GLT1D1: variants seen among roughly 807,000 people sequenced by gnomAD.
GLT1D1 encodes glycosyltransferase 1 domain-containing protein 1.
GLT1D1 carries 21 observed loss-of-function variants against 28.7 expected under a neutral mutation model. The ratio of observed to expected loss-of-function variants is 0.73; its 90% CI spans 0.52 to 1.05. The LOEUF (loss-of-function observed/expected upper bound fraction) is 1.05. Among genes scored for constraint, GLT1D1 ranks in the 50% least tolerant of loss-of-function variants. The probability of loss-of-function intolerance (pLI) is 0.00; values close to 1 mark genes in which losing one functional copy is unlikely to be tolerated. For synonymous variants in GLT1D1, 147 were observed against 124.8 expected (o/e 1.18, Z -1.19); for missense variants, 343 against 330.6 (o/e 1.04, Z -0.29).
chr12:128,974,683 A>T (rs182073923), intron 7 of GLT1D1, among the ~76,000 whole-genome samples: 1 of 152,334 alleles, frequency 6.6e-6, no homozygotes, highest in East Asian at 1.9e-4. Flanking sequence ...TTTGATTAAG[A>T]AACACTGATC....
At chr12:128,980,717 A>G (rs1013612120) in intron 7 of GLT1D1, among the ~76,000 whole-genome samples, 2 of 152,216 alleles carry the variant, frequency 1.3e-5, no homozygotes, top group East Asian at 1.9e-4. Flanking sequence ...GCCGGGGCGC[A>G]TGGAAGCTAT....
chr12:128,906,032 G>T (rs1310023952), intron 4 of GLT1D1, among the ~76,000 whole-genome samples: 1 of 151,694 alleles, frequency 6.6e-6, no homozygotes, highest in Non-Finnish European at 1.5e-5. Context: ...TGGAGATAAG[G>T]TCTCACTGCG....
chr12:128,912,676 T>C (rs527663806), intron 4 of GLT1D1, among the ~76,000 whole-genome samples: 15 of 152,214 alleles, frequency 9.9e-5, no homozygotes, highest in African/African-American at 3.6e-4. Context: ...TTTTTTTTCT[T>C]TTTTGAGACA....
intron 4 of GLT1D1, among the ~76,000 whole-genome samples, chr12:128,910,474 G>A (rs1034370982): frequency 1.3e-5 from 2 of 151,960 alleles, no homozygotes; most frequent in African/African-American, 4.8e-5. Flanking sequence ...TAAATGCCAT[G>A]GTGTTCTATT....
chr12:128,919,395 T>G (rs76217846), intron 4 of GLT1D1, among the ~76,000 whole-genome samples: 8,385 of 152,240 alleles, frequency 0.055, 734 homozygotes, highest in African/African-American at 0.19. Context: ...AGTTGAGTGA[T>G]TGATTAGTCA....
At position 128,973,853 on chromosome 12, in the gene GLT1D1, A is replaced by G. The variant is rs566072222; in HGVS notation, c.640-9076A>G. 3.7e-4 allele frequency among the ~76,000 whole-genome samples: 55 copies of G among 148,980 alleles called. 1 individual carries two copies. The highest frequency in any genetic ancestry group is 1.4e-3 in the African/African-American group (55 of 40,294). Reference sequence around the variant, plus strand: ...TATTCCTGAAGTTGTTTTTAGCTTCATCGGTGGCTCCCAGGTTTCCCGTGT... The same window carrying G: ...TATTCCTGAAGTTGTTTTTAGCTTCGTCGGTGGCTCCCAGGTTTCCCGTGT... On this transcript the variant is annotated intron_variant, in intron 7 of 7. Transcript: ENST00000281703.
chr12:128,935,869 T>A (rs2135468842), intron 4 of GLT1D1, among the ~76,000 whole-genome samples: 1 of 152,304 alleles, frequency 6.6e-6, no homozygotes, highest in East Asian at 1.9e-4. Flanking sequence ...ATCCACGCAA[T>A]CATTCAATGC....
intron 4 of GLT1D1, among the ~76,000 whole-genome samples, chr12:128,907,999 G>T (rs914429628): frequency 7.2e-5 from 11 of 152,152 alleles, no homozygotes; most frequent in African/African-American, 2.7e-4. Flanking sequence ...TGATGTTCCT[G>T]TTTCTTGAGT....
intron 7 of GLT1D1, among the ~76,000 whole-genome samples, chr12:128,981,771 G>A (rs1048058080): frequency 2.0e-5 from 3 of 152,120 alleles, no homozygotes; most frequent in African/African-American, 7.2e-5. Flanking sequence ...AAAATTCTTT[G>A]TTTGCAGTAA....
intron 6 of GLT1D1, among the ~76,000 whole-genome samples, chr12:128,957,238 C>T (rs977037222): frequency 1.6e-4 from 24 of 152,120 alleles, no homozygotes; most frequent in African/African-American, 5.1e-4. Flanking sequence ...TGCGGTCGGT[C>T]GGTGAAGAGG....
chr12:128,972,842 C>T (rs577025668), intron 7 of GLT1D1, among the ~76,000 whole-genome samples: 5 of 152,276 alleles, frequency 3.3e-5, no homozygotes, highest in South Asian at 2.1e-4. Context: ...CTTAGTGTTT[C>T]GCTGTGTGCA....
intron 1 of GLT1D1, among the ~76,000 whole-genome samples, chr12:128,870,756 C>G (rs1339879014): frequency 6.6e-5 from 10 of 152,160 alleles, no homozygotes; most frequent in Admixed American, 4.6e-4. Flanking sequence ...CTTTGGGAGG[C>G]TGAGGCAGGC....
chr12:128,936,935 A>G (rs1874629665), intron 4 of GLT1D1, among the ~76,000 whole-genome samples: 1 of 152,208 alleles, frequency 6.6e-6, no homozygotes, highest in African/African-American at 2.4e-5. Flanking sequence ...AGAGATTTGA[A>G]AGTGAACTGA....
intron 4 of GLT1D1, among the ~76,000 whole-genome samples, chr12:128,942,957 C>A (rs1272007373): frequency 6.6e-6 from 1 of 151,994 alleles, no homozygotes; most frequent in Non-Finnish European, 1.5e-5. Context: ...CCATGTTGGC[C>A]AGGATAGTCT....
intron 6 of GLT1D1, among the ~76,000 whole-genome samples, chr12:128,955,558 G>T (rs1467384795): frequency 1.3e-5 from 2 of 150,754 alleles, no homozygotes; most frequent in African/African-American, 4.9e-5. Flanking sequence ...CACCATTCAT[G>T]CATTGCATTT....
chr12:128,922,324 C>T (rs1872738304), intron 4 of GLT1D1, among the ~76,000 whole-genome samples: 1 of 152,116 alleles, frequency 6.6e-6, no homozygotes, highest in African/African-American at 2.4e-5. Context: ...AGAGGGTGCT[C>T]TTAATCTCTA....
intron 4 of GLT1D1, among the ~76,000 whole-genome samples, chr12:128,915,366 C>A (rs1404260335): frequency 6.8e-6 from 1 of 146,494 alleles, no homozygotes; most frequent in Admixed American, 6.8e-5. Flanking sequence ...ATATGCAACA[C>A]ATTTTTTTTT....
intron 4 of GLT1D1, among the ~76,000 whole-genome samples, chr12:128,907,506 C>T (rs1054223492): frequency 3.9e-5 from 6 of 152,050 alleles, no homozygotes; most frequent in Admixed American, 1.3e-4. Flanking sequence ...GAGGTTTCAC[C>T]GTGTTAGCCA....
intron 7 of GLT1D1, among the ~76,000 whole-genome samples, chr12:128,963,731 A>G (rs1171161933): frequency 6.6e-6 from 1 of 152,210 alleles, no homozygotes; most frequent in Non-Finnish European, 1.5e-5. Context: ...TGTTAGGCAG[A>G]GAGCTTTTAT....
Sources: allele counts gnomAD v4.1 joint callset (sites outside exome capture counted in the v4.1 genomes callset), GRCh38; gene constraint gnomAD v4.1.1; transcripts MANE v1.5; gene names NCBI Gene and HGNC (gene_info 2026-07-23, HGNC 2026-07-21).